The following SLC13A1 variants were observed in gnomAD, a reference collection of about 807,000 sequenced individuals.
SLC13A1 encodes Na(+)/sulfate cotransporter.
Under a neutral mutation model 70.0 loss-of-function variants are expected in SLC13A1, and 65 were observed. The ratio of observed to expected loss-of-function variants is 0.93; its 90% confidence interval spans 0.76 to 1.14. The LOEUF (loss-of-function observed/expected upper bound fraction) is 1.14, where lower values mean the gene tolerates loss of function less well. SLC13A1 is among the 50% of genes most tolerant of loss of function. The probability of loss-of-function intolerance (pLI) is 0.00; values close to 1 mark genes in which losing one functional copy is unlikely to be tolerated. For missense variants in SLC13A1, 726 were observed against 717.8 expected (o/e 1.01, Z -0.13); for synonymous variants, 275 against 250.5 (o/e 1.10, Z -0.92).
intron 8 of SLC13A1, among the ~76,000 whole-genome samples, chr7:123,131,845 A>AT (rs1491003135): frequency 8.5e-5 from 13 of 152,090 alleles, no homozygotes; most frequent in African/African-American, 2.7e-4. Context: ...ACTTCATGGG[A>AT]TTTTTTTCCT....
rs1257113640 is a variant in SLC13A1, at chr7:123,180,990, T to TC, written c.210dup (p.Ile71AspfsTer5). 3.1e-6 allele frequency: 5 copies of TC among 1,612,064 alleles called. No homozygotes were observed. The highest frequency in any genetic ancestry group is 3.4e-6 in the Non-Finnish European group (4 of 1,178,846). On this transcript the variant is annotated frameshift_variant, in exon 2 of 15. Coordinates refer to ENST00000194130, the MANE Select transcript of SLC13A1 (RefSeq NM_022444.4). LOFTEE classifies it high-confidence loss of function. ...GGACTTACCTTCTTAGAAGGCATGA[T>TC]CCCAAACATGGGTAACATTAAACTA... is the stretch of plus-strand genomic sequence containing the variant.
In SLC13A1 at chr7:123,193,631, C is replaced by T. The variant is rs191417366; in HGVS notation, c.99+6217G>A. 1.6e-3 allele frequency among the ~76,000 whole-genome samples: 251 copies of T among 152,224 alleles called. 7 individuals are homozygous for T. The highest frequency in any genetic ancestry group is 0.011 in the Admixed American group (167 of 15,284). The stretch of plus-strand genomic sequence containing the variant: ...ATTAAATAAGCAATGACATCATGAG[C>T]TTGGAAGTCAGACAGATTTGTGTTT... On this transcript the variant is annotated intron_variant, in intron 1 of 14. Coordinates refer to ENST00000194130, the MANE Select transcript of SLC13A1 (RefSeq NM_022444.4).
At chr7:123,131,647 G>A (rs1435367104) in intron 8 of SLC13A1, among the ~76,000 whole-genome samples, 1 of 152,164 alleles carries the variant, frequency 6.6e-6, no homozygotes, top group Non-Finnish European at 1.5e-5. Flanking sequence ...TAGTTTGCCA[G>A]GGGAGCGGCT....
chr7:123,163,937 G>A (rs1201963163), intron 6 of SLC13A1, among the ~76,000 whole-genome samples: 1 of 151,880 alleles, frequency 6.6e-6, no homozygotes, highest in African/African-American at 2.4e-5. Context: ...ACTATTTACA[G>A]CAGTCACTAT....
chr7:123,119,953 T>A (rs1793319185), intron 12 of SLC13A1, among the ~76,000 whole-genome samples: 1 of 152,030 alleles, frequency 6.6e-6, no homozygotes, highest in African/African-American at 2.4e-5. Context: ...AACTATCTCA[T>A]TATTTTGTTT....
chr7:123,140,485 G>C (rs1794098322), intron 7 of SLC13A1, among the ~76,000 whole-genome samples: 1 of 152,040 alleles, frequency 6.6e-6, no homozygotes, highest in Non-Finnish European at 1.5e-5. Flanking sequence ...TTTTGGAATA[G>C]TTTGAGTAGG....
chr7:123,123,085 A>G, intron 12 of SLC13A1, 41 bp downstream of exon 12: 1 of 1,362,344 alleles, frequency 7.3e-7, no homozygotes, highest in Non-Finnish European at 1.1e-6. Context: ...TCTTTTGAAC[A>G]GTCTGGTTAA....
At chr7:123,178,017 T>TTCTTTCTCTCTC (rs1554553463) in intron 2 of SLC13A1, among the ~76,000 whole-genome samples, 1 of 148,932 alleles carries the variant, frequency 6.7e-6, no homozygotes, top group African/African-American at 2.5e-5. Flanking sequence ...ATCTCTCTCT[T>TTCTTTCTCTCTC]TCTCTCTCTC....
In SLC13A1 at chr7:123,117,474, G is replaced by A; in HGVS notation, c.1647C>T (p.Asp549=). 6.2e-7 allele frequency: 1 copy of A among 1,612,932 alleles called. No individual in the cohort carries two copies. The highest frequency in any genetic ancestry group is 8.5e-7 in the Non-Finnish European group (1 of 1,179,364). The part of the protein sequence containing the change: ...VFSYGHLKVI[D]MVKAGLGVNI... ...GTATTTTTTTCAGCTAACTCACCAT[G>A]TCAATGACTTTCAGATGACCATATG... The change falls in exon 14 of 15, where the codon GAC becomes GAT. Residue 549 remains aspartate, a synonymous_variant. Transcript: ENST00000194130.
chr7:123,185,497 G>A (rs941758556), intron 1 of SLC13A1, among the ~76,000 whole-genome samples: 1 of 151,986 alleles, frequency 6.6e-6, no homozygotes, highest in Non-Finnish European at 1.5e-5. Flanking sequence ...TTCTTCTGCA[G>A]GTGGATATTT....
chr7:123,172,272 T>A (rs1327125686), intron 2 of SLC13A1, among the ~76,000 whole-genome samples: 1 of 152,196 alleles, frequency 6.6e-6, no homozygotes, highest in African/African-American at 2.4e-5. Context: ...TCATGACCCA[T>A]TATGCTGTAA....
intron 7 of SLC13A1, among the ~76,000 whole-genome samples, chr7:123,140,966 G>C (rs1009123094): frequency 6.6e-6 from 1 of 151,566 alleles, no homozygotes; most frequent in Non-Finnish European, 1.5e-5. Flanking sequence ...GGTTTGGTTT[G>C]CTCTTGCTTT....
chr7:123,169,405 A>G, intron 3 of SLC13A1, 70 bp from the exon 4 acceptor site: 2 of 1,344,180 alleles, frequency 1.5e-6, no homozygotes, highest in Non-Finnish European at 2.1e-6. Flanking sequence ...TTTAACTGGA[A>G]GATGTTTAAG....
At chr7:123,170,932 T>C (rs1190260339) in intron 3 of SLC13A1, among the ~76,000 whole-genome samples, 3 of 150,672 alleles carry the variant, frequency 2.0e-5, no homozygotes, top group Non-Finnish European at 4.4e-5. Flanking sequence ...AAAAAAAAAA[T>C]TGAAAATTTG....
chr7:123,115,555 G>A lies in SLC13A1; in HGVS notation c.1751C>T (p.Ser584Leu), dbSNP rs139324379. ...CTCATTACTCATAGCAGGAGCCCACGAAGGGTAAGTGTAGAGGTCAAACAT... is the reference window on the plus strand; with the variant it reads ...CTCATTACTCATAGCAGGAGCCCACAAAGGGTAAGTGTAGAGGTCAAACAT... ...VPMFDLYTYP[S>L]WAPAMSNETM... The change falls in exon 15 of 15, where the codon TCG (serine) becomes TTG (leucine). Residue 584 changes from serine to leucine, a missense_variant. Coordinates refer to ENST00000194130, the MANE Select transcript of SLC13A1 (RefSeq NM_022444.4). 1.4e-4 allele frequency: 227 copies of A among 1,613,358 alleles called. No individual in the cohort carries two copies. The highest frequency in any genetic ancestry group is 1.7e-4 in the Non-Finnish European group (206 of 1,179,594).
intron 1 of SLC13A1, among the ~76,000 whole-genome samples, chr7:123,182,245 T>C (rs1259371968): frequency 2.0e-5 from 3 of 152,124 alleles, no homozygotes; most frequent in Non-Finnish European, 4.4e-5. Context: ...TATACTAGCT[T>C]AAATTAAAAT....
At chr7:123,147,749 T>C (rs961258888) in intron 6 of SLC13A1, among the ~76,000 whole-genome samples, 1 of 152,166 alleles carries the variant, frequency 6.6e-6, no homozygotes, top group African/African-American at 2.4e-5. Flanking sequence ...GCATTTATCT[T>C]TCCATCAATA....
At chr7:123,172,659 C>G (rs763462069) in intron 2 of SLC13A1, among the ~76,000 whole-genome samples, 7 of 152,122 alleles carry the variant, frequency 4.6e-5, no homozygotes, top group Non-Finnish European at 8.8e-5. Context: ...CAAATACCCT[C>G]AAATGAGACT....
Position 123,125,618 on chromosome 7 carries a change from AAAG to A in SLC13A1, c.1188_1190del (p.Phe397del). 1 of 1,613,510 alleles carries A rather than the reference AAAG, an allele frequency of 6.2e-7. No homozygotes were observed. The highest frequency in any genetic ancestry group is 8.5e-7 in the Non-Finnish European group (1 of 1,179,698). On this transcript the variant is annotated inframe_deletion, in exon 11 of 15. Coordinates refer to ENST00000194130, the MANE Select transcript of SLC13A1 (RefSeq NM_022444.4). ...TAGTCAGTGTCTTAGCTGGGATAAGAAAGAATAGCAGCCCTATAAGTAAAGCAA... is the reference window on the plus strand; with the variant it reads ...TAGTCAGTGTCTTAGCTGGGATAAGAAATAGCAGCCCTATAAGTAAAGCAA...
Sources: gnomAD v4.1 joint callset for allele counts (sites outside exome capture counted in the v4.1 genomes callset) on GRCh38, gnomAD v4.1.1 for gene constraint, MANE v1.5 for transcripts, NCBI Gene and HGNC (gene_info 2026-07-23, HGNC 2026-07-21) for gene names.